Variants in CEP164 observed in about 807,000 individuals in gnomAD.
CEP164 encodes centrosomal protein of 164 kDa.
Under a neutral mutation model 182.7 loss-of-function variants are expected in CEP164, and 162 were observed. The observed-to-expected ratio is 0.89, with a 90% confidence interval of 0.78 to 1.01. The LOEUF is 1.01. Ranked by LOEUF, CEP164 falls within the 50% of genes least tolerant of loss-of-function variation. The pLI, the probability that CEP164 is intolerant of heterozygous loss-of-function variation, is 0.00. For missense variants in CEP164, 1,735 were observed against 1,790.4 expected, an observed-to-expected ratio of 0.97 and a Z score of 0.56; for synonymous variants, 661 against 690.0, an observed-to-expected ratio of 0.96 and a Z score of 0.66.
chr11:117,347,214 T>C (rs1443624365), intron 4 of CEP164, among the ~76,000 whole-genome samples: 1 of 152,234 alleles, frequency 6.6e-6, no homozygotes, highest in East Asian at 1.9e-4. Flanking sequence ...TAATTGGCCA[T>C]GAAGTGAGGG....
At chr11:117,325,905 CTT>C (rs887528293), upstream of CEP164, among the ~76,000 whole-genome samples, 4 of 130,058 alleles carry the variant, frequency 3.1e-5, no homozygotes, top group Admixed American at 1.6e-4. Flanking sequence ...CAAGTAGGAC[CTT>C]TTTTTTTTTT....
At chr11:117,403,057 T>G (rs920737731) in intron 27 of CEP164, among the ~76,000 whole-genome samples, 1 of 152,242 alleles carries the variant, frequency 6.6e-6, no homozygotes, top group African/African-American at 2.4e-5. Flanking sequence ...TGAGCCTATG[T>G]GTGTCTTTGC....
intron 4 of CEP164, among the ~76,000 whole-genome samples, chr11:117,346,839 G>A (rs895314919): frequency 6.6e-6 from 1 of 152,090 alleles, no homozygotes; most frequent in Non-Finnish European, 1.5e-5. Flanking sequence ...TCTTCAGCCT[G>A]GGGGACAGAG....
chr11:117,330,987 A>G (rs752773745), intron 1 of CEP164, among the ~76,000 whole-genome samples: 2 of 152,212 alleles, frequency 1.3e-5, no homozygotes, highest in Admixed American at 6.5e-5. Context: ...ACCACTGCGT[A>G]ATCAACTCTG....
intron 2 of CEP164, chr11:117,336,157 G>A: frequency 6.4e-7 from 1 of 1,574,692 alleles, no homozygotes; most frequent in Admixed American, 1.7e-5. Context: ...CTTGATGGGA[G>A]AGCAGAACTG....
At position 117,408,971 on chromosome 11, in the gene CEP164, A is replaced by C. The variant is rs754519103; in HGVS notation, c.3691A>C (p.Ser1231Arg). 5.0e-6 allele frequency: 8 copies of C among 1,614,130 alleles called. No individual in the cohort carries two copies. Among genetic ancestry groups the C allele is most frequent in the Non-Finnish European group, 5.9e-6 (7 of 1,180,000 alleles). ...CCTCAGTGACATGGACAGCCTGAGC[A>C]GTGAAAGTTCTGAATCTTTTTCCCC... Reference protein sequence around the residue: ...FDLSDMDSLSSESSESFSPPH... With the variant: ...FDLSDMDSLSRESSESFSPPH... Residue 1231 changes from serine (S) to arginine (R), a missense_variant, in exon 29 of 33, where the codon AGT becomes CGT. Physicochemically the swap from Ser to Arg is moderately radical, Grantham distance 110. Coordinates refer to ENST00000278935, the MANE Select transcript of CEP164 (RefSeq NM_014956.5).
At chr11:117,375,957 C>T (rs1323538388) in intron 11 of CEP164, among the ~76,000 whole-genome samples, 166 bp downstream of exon 11, 1 of 152,180 alleles carries the variant, frequency 6.6e-6, no homozygotes, top group Non-Finnish European at 1.5e-5. Context: ...GGGCTTCTGA[C>T]CATTCCTGCA....
chr11:117,398,391 C>T (rs902915234), intron 27 of CEP164, among the ~76,000 whole-genome samples: 10 of 152,286 alleles, frequency 6.6e-5, no homozygotes, highest in Middle Eastern at 3.4e-3. Flanking sequence ...AAGCTATTGA[C>T]GGATCTACCA....
intron 4 of CEP164, among the ~76,000 whole-genome samples, chr11:117,345,318 C>A (rs976318455): frequency 2.0e-5 from 3 of 152,158 alleles, no homozygotes; most frequent in Non-Finnish European, 4.4e-5. Context: ...CTGCAGTGCT[C>A]CCTGCTCGTG....
At chr11:117,347,168 A>T (rs1226557886) in intron 4 of CEP164, among the ~76,000 whole-genome samples, 1 of 152,116 alleles carries the variant, frequency 6.6e-6, no homozygotes, top group East Asian at 1.9e-4. Context: ...GATTTATTTG[A>T]CTAGTCTTAT....
intron 25 of CEP164, 71 bp downstream of exon 25, chr11:117,396,251 C>T (rs2045448408): frequency 3.3e-6 from 5 of 1,522,052 alleles, no homozygotes; most frequent in Non-Finnish European, 3.6e-6. Flanking sequence ...GGCTGGGCAT[C>T]AGGGGAGTAC....
chr11:117,387,187 T>C lies in CEP164; in HGVS notation c.1725-16T>C. On this transcript the variant is annotated splice_polypyrimidine_tract_variant and intron_variant, in intron 14 of 32. Transcript: ENST00000278935. ...CATTAACCCTGTGATGATATGCCAT[T>C]CCCCACCCATGGTAGGCGATCCACA... is the stretch of plus-strand genomic sequence containing the variant. 6.2e-7 allele frequency: 1 copy of C among 1,612,052 alleles called. No individual in the cohort carries two copies. The highest frequency in any genetic ancestry group is 8.5e-7 in the Non-Finnish European group (1 of 1,178,324).
At chr11:117,346,711 A>G (rs918929282) in intron 4 of CEP164, among the ~76,000 whole-genome samples, 12 of 152,066 alleles carry the variant, frequency 7.9e-5, no homozygotes, top group African/African-American at 2.9e-4. Flanking sequence ...AGAAAATTCA[A>G]AAATTAGCTG....
intron 8 of CEP164, among the ~76,000 whole-genome samples, chr11:117,367,974 AC>A (rs2041826857): frequency 6.6e-6 from 1 of 152,228 alleles, no homozygotes; most frequent in African/African-American, 2.4e-5. Context: ...AGTAAATATT[AC>A]ATCTCCTTTT....
intron 10 of CEP164, among the ~76,000 whole-genome samples, chr11:117,374,334 C>G (rs886314722): frequency 6.6e-6 from 1 of 152,154 alleles, no homozygotes; most frequent in Non-Finnish European, 1.5e-5. Context: ...ACCTTCTACC[C>G]AGCCTGCTGT....
chr11:117,412,259 C>A lies in CEP164; in HGVS notation c.*91C>A. 1 of 1,172,654 alleles carries A rather than the reference C, an allele frequency of 8.5e-7. No homozygotes were observed. Among genetic ancestry groups the A allele is most frequent in the Non-Finnish European group, 1.2e-6 (1 of 826,098 alleles). The allele number at this position is 1,172,654 out of a possible 1,614,324, so 72.6% of individuals were successfully genotyped here. On this transcript the variant is annotated 3_prime_UTR_variant, in exon 33 of 33. Coordinates refer to ENST00000278935, the MANE Select transcript of CEP164 (RefSeq NM_014956.5). The stretch of plus-strand genomic sequence containing the variant: ...GCCTGCCTTCTTCCATCTGAGAAAG[C>A]ACCCTCCTTCCCCCTTTGACTTGCA...
chr11:117,359,261 C>T (rs957910182), intron 5 of CEP164, among the ~76,000 whole-genome samples: 2 of 152,184 alleles, frequency 1.3e-5, no homozygotes, highest in Non-Finnish European at 2.9e-5. Flanking sequence ...GGTTCTTGAC[C>T]TCACCAACCT....
At chr11:117,345,976 C>T (rs892335908) in intron 4 of CEP164, among the ~76,000 whole-genome samples, 2 of 152,178 alleles carry the variant, frequency 1.3e-5, no homozygotes, top group Non-Finnish European at 1.5e-5. Context: ...CGTGAGAGCC[C>T]GGCCTGTTCT....
At chr11:117,398,615 C>A (rs1227733820) in intron 27 of CEP164, among the ~76,000 whole-genome samples, 1 of 152,238 alleles carries the variant, frequency 6.6e-6, no homozygotes, top group Non-Finnish European at 1.5e-5. Context: ...GTTCCCAGAC[C>A]TTAGTTCTTG....
Sources: gnomAD v4.1 joint callset for allele counts (sites outside exome capture counted in the v4.1 genomes callset) on GRCh38, gnomAD v4.1.1 for gene constraint, MANE v1.5 for transcripts, NCBI Gene and HGNC (gene_info 2026-07-23, HGNC 2026-07-21) for gene names.